ZMYM2: variants seen among roughly 807,000 people sequenced by gnomAD.
ZMYM2 encodes zinc finger MYM-type containing 2, also known as zinc finger MYM-type protein 2.
Under a neutral mutation model 162.8 loss-of-function variants are expected in ZMYM2, and 56 were observed. The observed-to-expected ratio is 0.34, with a 90% confidence interval of 0.28 to 0.43. ZMYM2 has a LOEUF of 0.43. Among genes scored for constraint, ZMYM2 ranks in the 20% least tolerant of loss-of-function variants. The pLI is 1.00. For missense variants in ZMYM2, 1,275 were observed against 1,621.8 expected (o/e 0.79, Z 3.67); for synonymous variants, 510 against 541.6 (o/e 0.94, Z 0.81).
intron 2 of ZMYM2, among the ~76,000 whole-genome samples, chr13:19,985,188 A>T (rs1474498029): frequency 1.3e-5 from 2 of 152,144 alleles, no homozygotes; most frequent in East Asian, 1.9e-4. Flanking sequence ...TAGTGGCATG[A>T]TCTCTGCTTA....
the ZMYM2 span, among the ~76,000 whole-genome samples, chr13:19,908,743 T>G: frequency 6.6e-6 from 1 of 152,224 alleles, no homozygotes; most frequent in African/African-American, 2.4e-5. Flanking sequence ...CAAGTCTCTT[T>G]AGGTCTGGCT....
chr13:20,064,656 G>A, intron 19 of ZMYM2, 111 bp downstream of exon 19: 1 of 621,026 alleles, frequency 1.6e-6, no homozygotes, highest in South Asian at 5.7e-5. Flanking sequence ...TTCTAGGTTG[G>A]AAAATAATTT....
At chr13:19,892,340 C>T in the ZMYM2 span, among the ~76,000 whole-genome samples, 12 of 151,796 alleles carry the variant, frequency 7.9e-5, no homozygotes, top group Non-Finnish European at 1.6e-4. Flanking sequence ...GGCGCAATCT[C>T]GGCTCACTGC....
At chr13:19,923,516 C>T in the ZMYM2 span, among the ~76,000 whole-genome samples, 2 of 117,502 alleles carry the variant, frequency 1.7e-5, no homozygotes, top group African/African-American at 5.6e-5. Context: ...CTATTTGTAT[C>T]TGTTTGGGGT....
rs1566350627 is a variant in ZMYM2 at position 20,032,595 on chromosome 13, C to CTTTTTTTTTTTTTTTTTT, written c.1968+1161_1968+1162insTTTTTTTTTTTTTTTTTT. On this transcript the variant is annotated intron_variant, in intron 10 of 24. Coordinates refer to ENST00000610343, the MANE Select transcript of ZMYM2 (RefSeq NM_197968.4). ...AGAACTGGATTACATGATTTTTTTT[C>CTTTTTTTTTTTTTTTTTT]TGTCTTTTTTTTTTTTTTTTTTTTT... Among the ~76,000 whole-genome samples, 3 of 96,380 alleles carry CTTTTTTTTTTTTTTTTTT rather than the reference C, an allele frequency of 3.1e-5. 1 individual carries two copies. The allele number at this position is 96,380 out of a possible 152,430, so 63.2% of individuals were successfully genotyped here.
chr13:20,075,978 G>GAGCC (rs1463607439), intron 21 of ZMYM2, among the ~76,000 whole-genome samples: 1 of 141,422 alleles, frequency 7.1e-6, no homozygotes, highest in African/African-American at 3.2e-5. Context: ...TTACAGGCAT[G>GAGCC]AGCCACCATG....
chr13:20,072,517 A>T (rs370055798), intron 21 of ZMYM2, among the ~76,000 whole-genome samples: 1 of 152,186 alleles, frequency 6.6e-6, no homozygotes, highest in Admixed American at 6.5e-5. Context: ...GCAAAACTCC[A>T]TCTCAAAAAT....
At position 20,034,400 on chromosome 13, in the gene ZMYM2, T is replaced by C; in HGVS notation, c.2115T>C (p.Ser705=). Residue 705 remains serine, a synonymous_variant, in exon 11 of 25, where the codon AGT becomes AGC. Transcript: ENST00000610343. ...CTGGCGTTAAGAGACCTTTCTGTAG[T>C]GAAGGCAAGTTGCATATACAGTGTT... ...NFSGVKRPFC[S]EGCKLLYKQD... is the part of the protein sequence containing the mutation. 1 of 1,586,044 alleles carries C rather than the reference T, an allele frequency of 6.3e-7. No homozygotes were observed. The highest frequency in any genetic ancestry group is 8.5e-7 in the Non-Finnish European group (1 of 1,169,854).
rs549242754 is a variant in ZMYM2, at chr13:19,960,933, T to C, written c.-11+907T>C. On this transcript the variant is annotated intron_variant, in intron 2 of 24. Coordinates refer to ENST00000610343, the MANE Select transcript of ZMYM2 (RefSeq NM_197968.4). ...TCAGTCCACATGGTTCAAAAAATAG[T>C]GAATTGATAAGCATTTGCTGAATAT... Among the ~76,000 whole-genome samples, 3 of 152,312 alleles carry C rather than the reference T, an allele frequency of 2.0e-5. No individual in the cohort carries two copies. The South Asian group carries it at 6.2e-4, about 32-fold the overall frequency.
At chr13:20,069,311 C>CTTG (rs1956908205) in intron 21 of ZMYM2, among the ~76,000 whole-genome samples, 1 of 152,058 alleles carries the variant, frequency 6.6e-6, no homozygotes, top group Non-Finnish European at 1.5e-5. Context: ...AACCCTAGTC[C>CTTG]TAGTACAGTG....
At chr13:19,962,966 A>G (rs928353140) in intron 2 of ZMYM2, among the ~76,000 whole-genome samples, 3 of 151,782 alleles carry the variant, frequency 2.0e-5, no homozygotes, top group Admixed American at 6.6e-5. Context: ...GACTACAGGC[A>G]CGTGCCACTA....
Position 19,964,450 on chromosome 13 carries a change from A to G in ZMYM2, c.-11+4424A>G, listed in dbSNP as rs530653585. Among the ~76,000 whole-genome samples, 21 of 152,242 alleles carry G rather than the reference A, an allele frequency of 1.4e-4. No homozygotes were observed. In the South Asian group the frequency reaches 4.4e-3, roughly 32 times the overall value. The stretch of plus-strand genomic sequence containing the variant: ...TGTTTAATAGGTCGGTTTTTTGTAG[A>G]GACAGGGACCCACTTTGTTGTCCAC... On this transcript the variant is annotated intron_variant, in intron 2 of 24. Coordinates refer to ENST00000610343, the MANE Select transcript of ZMYM2 (RefSeq NM_197968.4).
intron 12 of ZMYM2, among the ~76,000 whole-genome samples, chr13:20,047,016 TG>T (rs979328491): frequency 6.6e-6 from 1 of 152,204 alleles, no homozygotes; most frequent in Non-Finnish European, 1.5e-5. Context: ...AACAGATCTT[TG>T]TATAATATAC....
the ZMYM2 span, among the ~76,000 whole-genome samples, chr13:19,889,667 A>G: frequency 6.6e-6 from 1 of 151,706 alleles, no homozygotes; most frequent in Non-Finnish European, 1.5e-5. Context: ...ACAGATGCTG[A>G]TACCATTTAT....
At chr13:19,987,409 G>T (rs113654221) in intron 2 of ZMYM2, among the ~76,000 whole-genome samples, 1 of 151,808 alleles carries the variant, frequency 6.6e-6, no homozygotes. Context: ...GATTAAAGGC[G>T]CCTGTCACCA....
chr13:19,981,908 T>C (rs576509725), intron 2 of ZMYM2, among the ~76,000 whole-genome samples: 1 of 152,304 alleles, frequency 6.6e-6, no homozygotes, highest in East Asian at 1.9e-4. Context: ...CACAGTACAC[T>C]GTCGATGTCA....
At chr13:19,963,128 C>T (rs1401090292) in intron 2 of ZMYM2, among the ~76,000 whole-genome samples, 2 of 152,166 alleles carry the variant, frequency 1.3e-5, no homozygotes, top group African/African-American at 2.4e-5. Flanking sequence ...CGTGAGCCAC[C>T]GTGCCGGCCT....
At chr13:20,037,635 G>A (rs1260368946) in intron 12 of ZMYM2, among the ~76,000 whole-genome samples, 1 of 152,112 alleles carries the variant, frequency 6.6e-6, no homozygotes, top group African/African-American at 2.4e-5. Context: ...TTTTAATTGT[G>A]AGTTTTGGGG....
chr13:19,992,768 A>AGGT (rs527642051), intron 2 of ZMYM2, among the ~76,000 whole-genome samples: 42 of 151,394 alleles, frequency 2.8e-4, no homozygotes, highest in South Asian at 4.2e-4. Flanking sequence ...CCCTGAAAGG[A>AGGT]GGTGGTGGTG....
Sources: gnomAD v4.1 joint callset for allele counts (sites outside exome capture counted in the v4.1 genomes callset) on GRCh38, gnomAD v4.1.1 for gene constraint, MANE v1.5 for transcripts, NCBI Gene and HGNC (gene_info 2026-07-23, HGNC 2026-07-21) for gene names.